The following VCL variants were observed in gnomAD, a reference collection of about 807,000 sequenced individuals.
VCL encodes the protein vinculin, also known as epididymis luminal protein 114.
Under a neutral mutation model 125.7 loss-of-function variants are expected in VCL, and 47 were observed. That is an observed-to-expected ratio of 0.37 (90% CI 0.30 to 0.48). The LOEUF (loss-of-function observed/expected upper bound fraction) is 0.48. VCL is among the 20% of genes least tolerant of loss of function. VCL has a pLI of 0.99. For missense variants in VCL, 1,069 were observed against 1,455.5 expected, an observed-to-expected ratio of 0.73 and a Z score of 4.32; for synonymous variants, 458 against 514.6, an observed-to-expected ratio of 0.89 and a Z score of 1.49.
intron 2 of VCL, among the ~76,000 whole-genome samples, chr10:74,052,849 G>GATA: frequency 6.7e-6 from 1 of 149,280 alleles, no homozygotes; most frequent in Non-Finnish European, 1.5e-5. Flanking sequence ...ACTCTGTTGA[G>GATA]ATAGTCTATG....
At chr10:74,108,700 G>A (rs1408793355) in intron 17 of VCL, among the ~76,000 whole-genome samples, 3 of 152,082 alleles carry the variant, frequency 2.0e-5, no homozygotes, top group Non-Finnish European at 4.4e-5. Flanking sequence ...GGCTGGTCTC[G>A]AACTCCTGAC....
intron 1 of VCL, among the ~76,000 whole-genome samples, chr10:74,005,924 C>G (rs1203741091): frequency 6.6e-6 from 1 of 151,274 alleles, no homozygotes; most frequent in East Asian, 1.9e-4. Context: ...CTCGCTGTTT[C>G]ACCCAGGCTG....
At chr10:74,110,975 G>T (rs928592250) in intron 18 of VCL, among the ~76,000 whole-genome samples, 1 of 152,160 alleles carries the variant, frequency 6.6e-6, no homozygotes, top group African/African-American at 2.4e-5. Context: ...GAGCTCAGCT[G>T]CAGTCACTTG....
chr10:74,069,228 C>T (rs781695186), intron 2 of VCL, among the ~76,000 whole-genome samples: 10 of 151,788 alleles, frequency 6.6e-5, no homozygotes, highest in East Asian at 1.9e-4. Context: ...TTAGTAGAGA[C>T]GGGCTTTCAC....
chr10:74,106,569 T>C (rs993673424), intron 16 of VCL, among the ~76,000 whole-genome samples: 1 of 152,206 alleles, frequency 6.6e-6, no homozygotes, highest in African/African-American at 2.4e-5. Flanking sequence ...GAACATCTGA[T>C]GTTTTCAGTC....
Position 74,074,865 on chromosome 10 carries a change from C to T in VCL, c.745C>T (p.Gln249Ter), listed in dbSNP as rs1338152524. 1.9e-6 allele frequency: 3 copies of T among 1,613,996 alleles called. No individual in the cohort carries two copies. The highest frequency in any genetic ancestry group is 2.5e-6 in the Non-Finnish European group (3 of 1,180,016). Residue 249 changes from glutamine to a stop codon, truncating the protein, a stop_gained, in exon 6 of 22, where the codon CAA becomes TAA. Transcript: ENST00000211998. LOFTEE classifies it high-confidence loss of function. ...AATTAATGAGATAATTCGTGTGTTA[C>T]AACTCACCTCTTGGGATGAAGATGC... is the stretch of plus-strand genomic sequence containing the variant. ...AEINEIIRVL[Q>*]LTSWDEDAWA...
chr10:74,070,882 T>G, intron 3 of VCL, 62 bp downstream of exon 3: 1 of 1,612,412 alleles, frequency 6.2e-7, no homozygotes. Context: ...GATGATTGTT[T>G]AGAATGAAAA....
intron 5 of VCL, among the ~76,000 whole-genome samples, chr10:74,074,310 A>C (rs1211975021): frequency 1.2e-4 from 19 of 152,172 alleles, no homozygotes; most frequent in Admixed American, 1.2e-3. Flanking sequence ...CGGATGATAA[A>C]CTTGACATCT....
chr10:74,094,222 A>G (rs1172422301), intron 10 of VCL, 49 bp from the exon 11 acceptor site: 3 of 1,610,304 alleles, frequency 1.9e-6, no homozygotes, highest in Admixed American at 3.3e-5. Context: ...AGTGATCTCA[A>G]TGTAAATAGT....
At chr10:74,086,606 T>C (rs968165236) in intron 8 of VCL, among the ~76,000 whole-genome samples, 1 of 152,254 alleles carries the variant, frequency 6.6e-6, no homozygotes, top group African/African-American at 2.4e-5. Context: ...CAGTTTTCAC[T>C]TGGAATTCTC....
chr10:74,081,979 G>A (rs1218945124), intron 6 of VCL, among the ~76,000 whole-genome samples: 1 of 152,172 alleles, frequency 6.6e-6, no homozygotes, highest in Non-Finnish European at 1.5e-5. Flanking sequence ...TGAATATAGT[G>A]AAATATCATC....
At chr10:74,111,573 T>C (rs113498512) in intron 18 of VCL, among the ~76,000 whole-genome samples, 1 of 152,258 alleles carries the variant, frequency 6.6e-6, no homozygotes, top group Non-Finnish European at 1.5e-5. Flanking sequence ...AATATTCTCA[T>C]GTGAGAATCA....
rs775493699 is a variant in VCL at position 74,103,888 on chromosome 10, C to T, written c.2091C>T (p.Thr697=). 6.2e-6 allele frequency: 10 copies of T among 1,614,102 alleles called. No homozygotes were observed. The highest frequency in any genetic ancestry group is 7.6e-6 in the Non-Finnish European group (9 of 1,179,986). The change falls in exon 15 of 22, where the codon ACC becomes ACT. Residue 697 remains threonine, a synonymous_variant. Coordinates refer to ENST00000211998, the MANE Select transcript of VCL (RefSeq NM_014000.3). ...AAGCTGCTTATGAACATTTTGAGAC[C>T]ATGAAGAACCAGTGGATCGATAATG... ...GNQAAYEHFE[T]MKNQWIDNVE...
intron 2 of VCL, among the ~76,000 whole-genome samples, chr10:74,052,659 G>A (rs928714527): frequency 5.3e-5 from 8 of 151,944 alleles, no homozygotes; most frequent in African/African-American, 1.9e-4. Flanking sequence ...TTACAGGCGT[G>A]AGCCACCGTG....
At chr10:74,013,180 C>T (rs1233148458) in intron 1 of VCL, among the ~76,000 whole-genome samples, 1 of 152,082 alleles carries the variant, frequency 6.6e-6, no homozygotes, top group Non-Finnish European at 1.5e-5. Flanking sequence ...CTGTTTTAAG[C>T]TTCTTTGGAG....
In VCL at chr10:73,998,175, C is replaced by T; in HGVS notation, c.-33C>T. The T allele has an allele frequency of 6.2e-7, 1 of 1,606,482 alleles. No individual in the cohort carries two copies. The highest frequency in any genetic ancestry group is 8.5e-7 in the Non-Finnish European group (1 of 1,176,656). ...GGCCCCGTGGATCCTACTTCTCTGT[C>T]GCCCGCGGTTCGCCGCCCCGCTCGC... On this transcript the variant is annotated 5_prime_UTR_variant, in exon 1 of 22. Coordinates refer to ENST00000211998, the MANE Select transcript of VCL (RefSeq NM_014000.3).
intron 1 of VCL, among the ~76,000 whole-genome samples, chr10:74,036,116 C>T (rs1264523553): frequency 6.6e-6 from 1 of 152,128 alleles, no homozygotes. Flanking sequence ...TTAGATTACT[C>T]CAAAAGGGTT....
chr10:74,041,232 T>A (rs990382838), intron 1 of VCL, among the ~76,000 whole-genome samples: 1 of 152,162 alleles, frequency 6.6e-6, no homozygotes, highest in Non-Finnish European at 1.5e-5. Context: ...ATATTTTCCA[T>A]TCTGGGTTTT....
intron 16 of VCL, among the ~76,000 whole-genome samples, chr10:74,106,319 T>C (rs1160117746): frequency 6.6e-6 from 1 of 152,378 alleles, no homozygotes; most frequent in East Asian, 1.9e-4. Flanking sequence ...ATTTAGTTTA[T>C]GTAACTGGTG....
Sources: gnomAD v4.1 joint callset for allele counts (sites outside exome capture counted in the v4.1 genomes callset) on GRCh38, gnomAD v4.1.1 for gene constraint, MANE v1.5 for transcripts, NCBI Gene and HGNC (gene_info 2026-07-23, HGNC 2026-07-21) for gene names.